KIAA0930: variants seen among roughly 807,000 people sequenced by gnomAD.
KIAA0930 encodes the protein uncharacterized protein KIAA0930.
In KIAA0930, 24 loss-of-function variants were observed where a neutral mutation model predicts 43.9. That is an observed-to-expected ratio of 0.55 (90% CI 0.40 to 0.77). The LOEUF (loss-of-function observed/expected upper bound fraction) is 0.77. KIAA0930 is among the 30% of genes least tolerant of loss of function. The probability of loss-of-function intolerance (pLI) is 0.00; values close to 1 mark genes in which losing one functional copy is unlikely to be tolerated. For missense variants in KIAA0930, 461 were observed against 574.2 expected, an observed-to-expected ratio of 0.80 and a Z score of 2.02; for synonymous variants, 259 against 216.4, an observed-to-expected ratio of 1.20 and a Z score of -1.73.
chr22:45,218,333 A>AT (rs752298111), intron 1 of KIAA0930, among the ~76,000 whole-genome samples: 4,321 of 51,718 alleles, frequency 0.084, 509 homozygotes, highest in Non-Finnish European at 0.091. Context: ...AATTTTTTTG[A>AT]TTTTTTTTTT....
intron 1 of KIAA0930, among the ~76,000 whole-genome samples, chr22:45,223,305 G>A (rs929155864): frequency 6.6e-6 from 1 of 152,196 alleles, no homozygotes; most frequent in African/African-American, 2.4e-5. Context: ...AATATTAGAG[G>A]TTTTTCCTAT....
chr22:45,199,816 TG>T, intron 8 of KIAA0930, 56 bp downstream of exon 8: 1 of 1,392,536 alleles, frequency 7.2e-7, no homozygotes, highest in Non-Finnish European at 9.6e-7. Context: ...ATGACTGGTC[TG>T]GATCAAGAAG....
chr22:45,225,729 G>A (rs2083795240), intron 1 of KIAA0930, among the ~76,000 whole-genome samples: 1 of 152,188 alleles, frequency 6.6e-6, no homozygotes, highest in South Asian at 2.1e-4. Flanking sequence ...CCCCACCCCA[G>A]CACCGGCCTT....
rs2083526920 is a variant in KIAA0930, at chr22:45,195,374, A to AAG, written c.*1800_*1801dup. The AAG allele has an allele frequency of 6.6e-6, 1 of 152,336 alleles. No individual in the cohort carries two copies. Among genetic ancestry groups the AAG allele is most frequent in the South Asian group, 2.1e-4 (1 of 4,834 alleles). The allele number at this position is 152,336 out of a possible 1,614,324, so 9.4% of individuals were successfully genotyped here. ...CCAAGATCCCCAGAACAACCAGGGG[A>AAG]AGAGTTCCTGAAGAAATGGGTGTAT... On this transcript the variant is annotated 3_prime_UTR_variant, in exon 10 of 10. Transcript: ENST00000336156.
chr22:45,228,551 A>AGC lies in KIAA0930; in HGVS notation c.64+12087_64+12088dup, dbSNP rs567254894. Reference sequence around the variant, plus strand: ...CAGAGGCCTACAGTGACTTCCCAGAAGCGGCTCAGCAAATTACAGTGTGAA... The same window carrying AGC: ...CAGAGGCCTACAGTGACTTCCCAGAAGCGCGGCTCAGCAAATTACAGTGTGAA... On this transcript the variant is annotated intron_variant, in intron 1 of 9. Coordinates refer to ENST00000336156, the MANE Select transcript of KIAA0930 (RefSeq NM_001009880.2). Among the ~76,000 whole-genome samples, 3 of 152,252 alleles carry AGC rather than the reference A, an allele frequency of 2.0e-5. No homozygotes were observed. In the East Asian group the frequency reaches 5.8e-4, roughly 29 times the overall value.
chr22:45,208,730 G>C (rs2083664648), intron 2 of KIAA0930, among the ~76,000 whole-genome samples: 1 of 152,238 alleles, frequency 6.6e-6, no homozygotes, highest in African/African-American at 2.4e-5. Context: ...TTTCTGTATA[G>C]ACGTTATATT....
Position 45,205,615 on chromosome 22 carries a change from C to A in KIAA0930, c.414+15G>T, listed in dbSNP as rs368584437. ...TGGCAGTTAGGAGGCTGGGGGCTCT[C>A]GTGCCAGGGCTCACCTGAGATTTCT... On this transcript the variant is annotated intron_variant, in intron 4 of 9. Transcript: ENST00000336156. 9 of 1,613,114 alleles carry A rather than the reference C, an allele frequency of 5.6e-6. No individual in the cohort carries two copies. The highest frequency in any genetic ancestry group is 7.6e-6 in the Non-Finnish European group (9 of 1,179,388).
rs371911565 is a variant in KIAA0930, at chr22:45,205,213, T to C, written c.516+4A>G. 1.1e-5 allele frequency: 17 copies of C among 1,609,386 alleles called. No individual in the cohort carries two copies. Among genetic ancestry groups the C allele is most frequent in the Non-Finnish European group, 1.4e-5 (17 of 1,175,760 alleles). On this transcript the variant is annotated splice_donor_region_variant and intron_variant, in intron 5 of 9. Coordinates refer to ENST00000336156, the MANE Select transcript of KIAA0930 (RefSeq NM_001009880.2). ...TAAGGAGAGAGGCCCTGTGCAGAGC[T>C]CACCTCCTCGAAGCTGTCAATCATG...
intron 1 of KIAA0930, among the ~76,000 whole-genome samples, chr22:45,216,196 G>A (rs939101529): frequency 6.6e-6 from 1 of 152,190 alleles, no homozygotes; most frequent in Admixed American, 6.5e-5. Flanking sequence ...AGTGTTAGGA[G>A]TTGCAGTCAA....
At position 45,240,663 on chromosome 22, in the gene KIAA0930, A is replaced by C; in HGVS notation, c.41T>G (p.Leu14Arg). The stretch of plus-strand genomic sequence containing the variant: ...ACCGAGGCCGCAGACCTCGCGGCGC[A>C]GGCTAAGACGGCCGCGCTCCTCCGC... ...AIAEERGRLS[L>R]RREVCGLGCF... The change falls in exon 1 of 10, where the codon CTG becomes CGG. Residue 14 changes from leucine (L) to arginine (R), a missense_variant. Coordinates refer to ENST00000336156, the MANE Select transcript of KIAA0930 (RefSeq NM_001009880.2). 2 of 1,514,516 alleles carry C rather than the reference A, an allele frequency of 1.3e-6. No individual in the cohort carries two copies. Among genetic ancestry groups the C allele is most frequent in the Non-Finnish European group, 1.8e-6 (2 of 1,138,958 alleles). 93.8% of individuals were successfully genotyped at this position (1,514,516 alleles called of 1,614,324 possible).
At chr22:45,211,088 C>A (rs1238097062) in intron 2 of KIAA0930, among the ~76,000 whole-genome samples, 1 of 152,130 alleles carries the variant, frequency 6.6e-6, no homozygotes, top group African/African-American at 2.4e-5. Context: ...ATCCATCCCG[C>A]GTGTGTTCAG....
intron 5 of KIAA0930, among the ~76,000 whole-genome samples, chr22:45,204,224 G>A (rs1188918882): frequency 1.3e-5 from 2 of 152,172 alleles, no homozygotes; most frequent in African/African-American, 4.8e-5. Context: ...CTCTGGGACT[G>A]GCAGAAGACG....
chr22:45,235,905 C>T (rs1029293096), intron 1 of KIAA0930, among the ~76,000 whole-genome samples: 3 of 152,180 alleles, frequency 2.0e-5, no homozygotes, highest in South Asian at 4.1e-4. Flanking sequence ...ATCACTTATG[C>T]CCAGCTACAC....
At chr22:45,214,313 A>G (rs572714198) in intron 1 of KIAA0930, among the ~76,000 whole-genome samples, 1 of 152,324 alleles carries the variant, frequency 6.6e-6, no homozygotes, top group Non-Finnish European at 1.5e-5. Flanking sequence ...GTCCACAGAG[A>G]CTGGTACACA....
chr22:45,225,408 G>A (rs912347632), intron 1 of KIAA0930, among the ~76,000 whole-genome samples: 5 of 152,186 alleles, frequency 3.3e-5, no homozygotes, highest in Non-Finnish European at 1.5e-5. Context: ...CACGTTGCGT[G>A]CCTAAAACCC....
intron 1 of KIAA0930, among the ~76,000 whole-genome samples, chr22:45,230,344 C>T (rs1300200521): frequency 6.6e-6 from 1 of 152,096 alleles, no homozygotes; most frequent in Non-Finnish European, 1.5e-5. Flanking sequence ...GGCCACGTTA[C>T]CCCAAAATAC....
chr22:45,212,238 C>G (rs767024181), intron 1 of KIAA0930, 131 bp from the exon 2 acceptor site: 1 of 1,612,538 alleles, frequency 6.2e-7, no homozygotes, highest in South Asian at 1.1e-5. Context: ...GATGCGCCAC[C>G]CTTCCCTCAC....
At chr22:45,210,614 G>A (rs1009003056) in intron 2 of KIAA0930, among the ~76,000 whole-genome samples, 3 of 152,200 alleles carry the variant, frequency 2.0e-5, no homozygotes, top group African/African-American at 7.2e-5. Flanking sequence ...GGCCTTGAAA[G>A]CTGGTCTCTC....
intron 8 of KIAA0930, 142 bp downstream of exon 8, chr22:45,199,731 A>T: frequency 1.1e-6 from 1 of 876,108 alleles, no homozygotes; most frequent in Non-Finnish European, 1.7e-6. Context: ...CAGCTCCTGG[A>T]GGGCTGCCTG....
Sources: allele counts gnomAD v4.1 joint callset (sites outside exome capture counted in the v4.1 genomes callset), GRCh38; gene constraint gnomAD v4.1.1; transcripts MANE v1.5; gene names NCBI Gene and HGNC (gene_info 2026-07-23, HGNC 2026-07-21).